NXN: variants seen among roughly 807,000 people sequenced by gnomAD.
NXN encodes the protein nucleoredoxin.
A neutral mutation model predicts 48.6 loss-of-function variants in NXN; 16 were observed. That is an observed-to-expected ratio of 0.33 (90% confidence interval 0.22 to 0.50). The LOEUF (loss-of-function observed/expected upper bound fraction) is 0.50, where lower values mean the gene tolerates loss of function less well. NXN is among the 20% of genes least tolerant of loss of function. The probability of loss-of-function intolerance (pLI) is 0.98; values close to 1 mark genes in which losing one functional copy is unlikely to be tolerated. For synonymous variants in NXN, 281 were observed against 269.6 expected (o/e 1.04, Z -0.41); for missense variants, 492 against 605.5 (o/e 0.81, Z 1.97).
rs2068732183 is a variant in NXN at position 920,227 on chromosome 17, T to C, written c.360+59092A>G. 6.6e-6 allele frequency among the ~76,000 whole-genome samples: 1 copy of C among 152,096 alleles called. No individual in the cohort carries two copies. The highest frequency in any genetic ancestry group is 6.6e-5 in the Admixed American group (1 of 15,252). The stretch of plus-strand genomic sequence containing the variant: ...CACCCCGAAATCCAACATTACAAAC[T>C]TATCAATGCTGCCTCCTGTCATCTC... On this transcript the variant is annotated intron_variant, in intron 1 of 7. Coordinates refer to ENST00000336868, the MANE Select transcript of NXN (RefSeq NM_022463.5). This position sits in a 1 kb window ranked among gnomAD's most constrained non-coding sequence, Gnocchi z 4.6.
intron 1 of NXN, among the ~76,000 whole-genome samples, chr17:946,677 A>G (rs2069047484): frequency 6.6e-6 from 1 of 152,184 alleles, no homozygotes; most frequent in South Asian, 2.1e-4. Flanking sequence ...GGCGCCTCAC[A>G]GGGAAAAAGA....
At chr17:968,675 C>T (rs1217928936) in intron 1 of NXN, among the ~76,000 whole-genome samples, 2 of 152,222 alleles carry the variant, frequency 1.3e-5, no homozygotes, top group Non-Finnish European at 2.9e-5. Flanking sequence ...TGGTGGCTCA[C>T]GCCTGTAATC....
intron 5 of NXN, among the ~76,000 whole-genome samples, chr17:811,293 C>T (rs890086493): frequency 5.3e-5 from 8 of 152,184 alleles, no homozygotes; most frequent in African/African-American, 1.4e-4. Flanking sequence ...GGTTGGGCCA[C>T]GGGAGCCAAA....
chr17:945,255 T>A (rs1481776318), intron 1 of NXN, among the ~76,000 whole-genome samples: 2 of 151,686 alleles, frequency 1.3e-5, no homozygotes, highest in Non-Finnish European at 2.9e-5. Context: ...CTAATTTTTG[T>A]ATTTTTGGTA....
chr17:912,326 C>T lies in NXN; in HGVS notation c.360+66993G>A, dbSNP rs371803244. On this transcript the variant is annotated intron_variant, in intron 1 of 7. Transcript: ENST00000336868. ...GTTCAAACCAACGTTGTTTGAGGGTCAACCGTATTTGTAAGATCTGTTGAG... is the reference window on the plus strand; with the variant it reads ...GTTCAAACCAACGTTGTTTGAGGGTTAACCGTATTTGTAAGATCTGTTGAG... 7.2e-5 allele frequency among the ~76,000 whole-genome samples: 11 copies of T among 152,124 alleles called. No individual in the cohort carries two copies. In the South Asian group the frequency reaches 1.9e-3, roughly 26 times the overall value.
chr17:816,904 C>T (rs73285794), intron 5 of NXN, among the ~76,000 whole-genome samples: 1 of 152,130 alleles, frequency 6.6e-6, no homozygotes, highest in Non-Finnish European at 1.5e-5. Context: ...AGCTCCTACC[C>T]CCAGGCACGG....
chr17:908,630 A>G (rs1332586470), intron 1 of NXN, among the ~76,000 whole-genome samples: 2 of 152,194 alleles, frequency 1.3e-5, no homozygotes, highest in African/African-American at 4.8e-5. Context: ...TGGATCCCAA[A>G]CATGTACCAA....
At chr17:938,543 C>G (rs1437331977) in intron 1 of NXN, among the ~76,000 whole-genome samples, 2 of 151,804 alleles carry the variant, frequency 1.3e-5, no homozygotes, top group African/African-American at 4.8e-5. Context: ...CTTAGCCGGG[C>G]TTAGTGACGA....
chr17:920,381 G>T lies in NXN; in HGVS notation c.360+58938C>A, dbSNP rs1393078803. Reference sequence around the variant, plus strand: ...TCTCCTCCCAGCCCCGAGCGCCTGGGGATACCTAGGCCCTCCTGTCATGCC... The same window carrying T: ...TCTCCTCCCAGCCCCGAGCGCCTGGTGATACCTAGGCCCTCCTGTCATGCC... On this transcript the variant is annotated intron_variant, in intron 1 of 7. Coordinates refer to ENST00000336868, the MANE Select transcript of NXN (RefSeq NM_022463.5). The surrounding 1 kb of genome is among the most constrained non-coding windows in gnomAD (Gnocchi z 4.6). Among the ~76,000 whole-genome samples the T allele has an allele frequency of 1.3e-5, 2 of 150,898 alleles. No homozygotes were observed. Among genetic ancestry groups the T allele is most frequent in the African/African-American group, 4.9e-5 (2 of 40,558 alleles).
chr17:948,501 A>G lies in NXN; in HGVS notation c.360+30818T>C, dbSNP rs536518395. On this transcript the variant is annotated intron_variant, in intron 1 of 7. Coordinates refer to ENST00000336868, the MANE Select transcript of NXN (RefSeq NM_022463.5). Reference sequence around the variant, plus strand: ...AGCGGCCCTGGGACCACCTGCCCACAGGCACTGAGGGACGGCTGTGGAACT... The same window carrying G: ...AGCGGCCCTGGGACCACCTGCCCACGGGCACTGAGGGACGGCTGTGGAACT... Among the ~76,000 whole-genome samples, 4 of 152,200 alleles carry G rather than the reference A, an allele frequency of 2.6e-5. No homozygotes were observed. The East Asian group carries it at 7.7e-4, about 29-fold the overall frequency.
intron 1 of NXN, among the ~76,000 whole-genome samples, chr17:951,957 G>A (rs1030109951): frequency 2.6e-5 from 4 of 152,116 alleles, no homozygotes; most frequent in East Asian, 1.9e-4. Flanking sequence ...CGCAGCTCCC[G>A]CCTGCCCTGA....
intron 1 of NXN, among the ~76,000 whole-genome samples, chr17:853,724 T>TATATATATATATATATA (rs61572573): frequency 2.9e-4 from 20 of 70,038 alleles, no homozygotes; most frequent in Admixed American, 6.4e-4. Context: ...TATATATATA[T>TATATATATATATATATA]TTTTTTTTTT....
chr17:934,332 G>T (rs978633144), intron 1 of NXN, among the ~76,000 whole-genome samples: 1 of 151,972 alleles, frequency 6.6e-6, no homozygotes, highest in South Asian at 2.1e-4. Flanking sequence ...TGTAGTCCCA[G>T]CTACTGGGGA....
intron 1 of NXN, among the ~76,000 whole-genome samples, chr17:918,108 A>T (rs1458939059): frequency 6.6e-6 from 1 of 152,206 alleles, no homozygotes; most frequent in Non-Finnish European, 1.5e-5. Context: ...CCTACTAAGA[A>T]GATGGGCCAA....
rs373186125 is a variant in NXN, at chr17:854,579, CGA to C, written c.361-28503_361-28502del. Among the ~76,000 whole-genome samples the C allele has an allele frequency of 5.9e-3, 889 of 150,376 alleles. 4 individuals are homozygous for C. Among genetic ancestry groups the C allele is most frequent in the African/African-American group, 0.017 (711 of 40,780 alleles). ...CTGAGGCAGGAGAATGGCATGAACC[CGA>C]GAGGAGGAGCTTGCAGTGAGCTGAG... On this transcript the variant is annotated intron_variant, in intron 1 of 7. Transcript: ENST00000336868.
At chr17:928,841 ATAAT>A (rs2068826577) in intron 1 of NXN, among the ~76,000 whole-genome samples, 1 of 152,194 alleles carries the variant, frequency 6.6e-6, no homozygotes, top group African/African-American at 2.4e-5. Context: ...GTCTCAAAAA[ATAAT>A]TAAGGAAATA....
intron 5 of NXN, among the ~76,000 whole-genome samples, chr17:814,086 C>A (rs1255112332): frequency 1.3e-5 from 2 of 151,828 alleles, no homozygotes; most frequent in Non-Finnish European, 2.9e-5. Context: ...CATGGTGAAA[C>A]CCTGTCTCTA....
rs1051537624 is a variant in NXN at position 825,269 on chromosome 17, C to T, written c.478+692G>A. Among the ~76,000 whole-genome samples, 9 of 151,394 alleles carry T rather than the reference C, an allele frequency of 5.9e-5. No homozygotes were observed. Among genetic ancestry groups the T allele is most frequent in the Admixed American group, 6.6e-5 (1 of 15,202 alleles). On this transcript the variant is annotated intron_variant, in intron 2 of 7. Transcript: ENST00000336868. The surrounding 1 kb of genome is among the most constrained non-coding windows in gnomAD (Gnocchi z 4.1). The stretch of plus-strand genomic sequence containing the variant: ...AGCTTCACGCTTGGTTCCACCATGC[C>T]GTGGTTTTTACTGAGGACAATTCTT...
At position 953,295 on chromosome 17, in the gene NXN, A is replaced by C. The variant is rs556957821; in HGVS notation, c.360+26024T>G. Among the ~76,000 whole-genome samples, 303 of 152,258 alleles carry C rather than the reference A, an allele frequency of 2.0e-3. 2 individuals are homozygous for C. The highest frequency in any genetic ancestry group is 7.0e-3 in the African/African-American group (290 of 41,554). ...CCAGGCATGGTGGCTCACGCCTGTAATCCCAGCTACTTGGGAGGCTGAGGC... is the reference window on the plus strand; with the variant it reads ...CCAGGCATGGTGGCTCACGCCTGTACTCCCAGCTACTTGGGAGGCTGAGGC... On this transcript the variant is annotated intron_variant, in intron 1 of 7. Coordinates refer to ENST00000336868, the MANE Select transcript of NXN (RefSeq NM_022463.5).
Sources: gnomAD v4.1 joint callset for allele counts (sites outside exome capture counted in the v4.1 genomes callset) on GRCh38, gnomAD v4.1.1 for gene constraint, Gnocchi (gnomAD v3.1) non-coding constraint, MANE v1.5 for transcripts, NCBI Gene and HGNC (gene_info 2026-07-23, HGNC 2026-07-21) for gene names.